Variants in TBC1D22A observed in about 807,000 individuals in gnomAD.
TBC1D22A encodes the protein putative GTPase activator.
In TBC1D22A, 38 loss-of-function variants were observed where a neutral mutation model predicts 60.2. That is an observed-to-expected ratio of 0.63 (90% confidence interval 0.49 to 0.83). TBC1D22A has a LOEUF of 0.83. TBC1D22A is among the 40% of genes least tolerant of loss of function. The pLI is 0.00. For synonymous variants in TBC1D22A, 302 were observed against 281.7 expected (o/e 1.07, Z -0.72); for missense variants, 628 against 701.0 (o/e 0.90, Z 1.18).
chr22:47,156,947 G>T (rs1269437288), intron 12 of TBC1D22A, among the ~76,000 whole-genome samples: 1 of 152,196 alleles, frequency 6.6e-6, no homozygotes, highest in Non-Finnish European at 1.5e-5. Flanking sequence ...GGCTTCCAAG[G>T]CACCGGGCTG....
At chr22:46,950,370 G>A (rs1434100390) in intron 8 of TBC1D22A, among the ~76,000 whole-genome samples, 1 of 152,206 alleles carries the variant, frequency 6.6e-6, no homozygotes, top group Non-Finnish European at 1.5e-5. Context: ...GGTGCCGTTT[G>A]TGTGGCCTGT....
intron 1 of TBC1D22A, among the ~76,000 whole-genome samples, chr22:46,787,654 G>A (rs570075604): frequency 1.7e-4 from 26 of 152,274 alleles, no homozygotes; most frequent in Non-Finnish European, 2.9e-4. Flanking sequence ...TTGCAAATGT[G>A]CAGAATAATA....
chr22:46,988,047 T>A (rs2074793737), intron 9 of TBC1D22A, among the ~76,000 whole-genome samples: 1 of 151,884 alleles, frequency 6.6e-6, no homozygotes, highest in Non-Finnish European at 1.5e-5. Context: ...GAAACCACTT[T>A]CTTGGAGTCC....
chr22:46,905,363 G>A (rs770496576), intron 7 of TBC1D22A, among the ~76,000 whole-genome samples: 3 of 152,230 alleles, frequency 2.0e-5, no homozygotes, highest in Non-Finnish European at 4.4e-5. Context: ...GTCATCCTGT[G>A]AGTTGGCTTC....
chr22:46,933,358 C>T (rs1196281961), intron 8 of TBC1D22A, among the ~76,000 whole-genome samples: 1 of 152,192 alleles, frequency 6.6e-6, no homozygotes, highest in Non-Finnish European at 1.5e-5. Context: ...CAGTGTCTTC[C>T]GATCCTCAGT....
chr22:47,032,823 C>T (rs567937904), intron 10 of TBC1D22A, among the ~76,000 whole-genome samples: 27 of 152,344 alleles, frequency 1.8e-4, no homozygotes, highest in Admixed American at 1.3e-3. Flanking sequence ...CAGACGTCCA[C>T]GCAGAGCTGT....
intron 12 of TBC1D22A, among the ~76,000 whole-genome samples, chr22:47,157,957 G>A (rs1327902192): frequency 6.6e-6 from 1 of 152,216 alleles, no homozygotes; most frequent in African/African-American, 2.4e-5. Flanking sequence ...GGCTGGATGG[G>A]CGTCGTGGCT....
chr22:47,143,923 C>T (rs11703551), intron 12 of TBC1D22A, among the ~76,000 whole-genome samples: 5,431 of 152,302 alleles, frequency 0.036, 124 homozygotes, highest in Non-Finnish European at 0.044. Flanking sequence ...ACGGCAGGCC[C>T]GCTGCCTTCT....
intron 11 of TBC1D22A, among the ~76,000 whole-genome samples, chr22:47,053,946 GCTATCA>G (rs982169601): frequency 6.6e-6 from 1 of 152,214 alleles, no homozygotes; most frequent in African/African-American, 2.4e-5. Context: ...TTACTGTGGG[GCTATCA>G]CTTCTCTGTT....
rs528059369 is a variant in TBC1D22A, at chr22:47,053,459, G to A, written c.1329+16261G>A. On this transcript the variant is annotated intron_variant, in intron 11 of 12. Coordinates refer to ENST00000337137, the MANE Select transcript of TBC1D22A (RefSeq NM_014346.5). ...GGGTGGCCTGTCCCAGGGCCGCCTC[G>A]TCAGGCGCACTCAGAGGCCTCAGGA... 8.5e-5 allele frequency among the ~76,000 whole-genome samples: 13 copies of A among 152,328 alleles called. No homozygotes were observed. The South Asian group carries it at 2.1e-3, about 24-fold the overall frequency.
At chr22:46,802,874 C>T (rs577027125) in intron 4 of TBC1D22A, among the ~76,000 whole-genome samples, 17 of 151,514 alleles carry the variant, frequency 1.1e-4, no homozygotes, top group South Asian at 6.3e-4. Flanking sequence ...CTGCGTGAGT[C>T]GGGGGCTGAT....
chr22:47,046,635 G>T (rs1041162401), intron 11 of TBC1D22A, among the ~76,000 whole-genome samples: 16 of 152,310 alleles, frequency 1.1e-4, no homozygotes, highest in African/African-American at 3.9e-4. Context: ...GGGATCTGTG[G>T]GTAGAAAGAA....
intron 4 of TBC1D22A, among the ~76,000 whole-genome samples, chr22:46,844,827 C>G (rs1331824618): frequency 6.6e-6 from 1 of 152,138 alleles, no homozygotes; most frequent in Non-Finnish European, 1.5e-5. Flanking sequence ...AGGGGTCCTA[C>G]TGGGCTCTTA....
At chr22:46,881,566 A>G (rs2067852342) in intron 5 of TBC1D22A, among the ~76,000 whole-genome samples, 3 of 152,194 alleles carry the variant, frequency 2.0e-5, no homozygotes, top group Non-Finnish European at 4.4e-5. Flanking sequence ...TGTGGCAGGC[A>G]ACTCAGGGAA....
chr22:47,005,874 TAC>T (rs900120346), intron 10 of TBC1D22A, among the ~76,000 whole-genome samples: 24 of 148,738 alleles, frequency 1.6e-4, no homozygotes, highest in African/African-American at 4.8e-4. Flanking sequence ...CACCCCCATA[TAC>T]ACACACACCT....
intron 12 of TBC1D22A, among the ~76,000 whole-genome samples, chr22:47,136,893 A>T (rs2066894018): frequency 6.6e-6 from 1 of 151,362 alleles, no homozygotes; most frequent in Non-Finnish European, 1.5e-5. Context: ...GAGCCCCCAG[A>T]CCTGTCCCGG....
intron 11 of TBC1D22A, among the ~76,000 whole-genome samples, chr22:47,058,279 G>C (rs1603204305): frequency 6.6e-6 from 1 of 152,150 alleles, no homozygotes; most frequent in Non-Finnish European, 1.5e-5. Flanking sequence ...GCCTGGAGCT[G>C]CTTGTTACTG....
At chr22:47,119,949 C>T (rs2066212115) in intron 12 of TBC1D22A, among the ~76,000 whole-genome samples, 1 of 152,286 alleles carries the variant, frequency 6.6e-6, no homozygotes, top group South Asian at 2.1e-4. Context: ...GGGCTGGGCG[C>T]TCCCATCAGC....
chr22:46,960,912 G>C (rs2073463642), intron 8 of TBC1D22A, among the ~76,000 whole-genome samples: 1 of 133,862 alleles, frequency 7.5e-6, no homozygotes, highest in Non-Finnish European at 1.5e-5. Context: ...CCGAGACTGT[G>C]CCACTACACT....
Sources: gnomAD v4.1 joint callset for allele counts (sites outside exome capture counted in the v4.1 genomes callset) on GRCh38, gnomAD v4.1.1 for gene constraint, MANE v1.5 for transcripts, NCBI Gene and HGNC (gene_info 2026-07-23, HGNC 2026-07-21) for gene names.